Variants in DPP6 observed in about 807,000 individuals in gnomAD.
DPP6 encodes A-type potassium channel modulatory protein DPP6.
A neutral mutation model predicts 122.6 loss-of-function variants in DPP6; 69 were observed. The ratio of observed to expected loss-of-function variants is 0.56; its 90% CI spans 0.46 to 0.69. DPP6 has a LOEUF of 0.69. DPP6 is among the 30% of genes least tolerant of loss of function. DPP6 has a pLI of 0.00. For missense variants in DPP6, 928 were observed against 1,116.9 expected (o/e 0.83, Z 2.41); for synonymous variants, 418 against 433.1 (o/e 0.97, Z 0.43).
chr7:154,766,701 G>C lies in DPP6; in HGVS notation c.884-2716G>C, dbSNP rs574795369. Among the ~76,000 whole-genome samples the C allele has an allele frequency of 7.2e-5, 11 of 152,330 alleles. No individual in the cohort carries two copies. In the South Asian group the frequency reaches 2.3e-3, roughly 32 times the overall value. ...GCTTCATGGAAACACTCTGGCATTT[G>C]CTGATAAGATCGATGGAAATAGAGT... On this transcript the variant is annotated intron_variant, in intron 8 of 25. Transcript: ENST00000377770.
chr7:154,578,302 C>T (rs990844681), intron 5 of DPP6, among the ~76,000 whole-genome samples: 10 of 152,220 alleles, frequency 6.6e-5, no homozygotes, highest in East Asian at 3.8e-4. Flanking sequence ...AGCCTGGCGA[C>T]GCTCTCCATG....
In DPP6 at chr7:154,442,154, C is replaced by T. The variant is rs376496837; in HGVS notation, c.244-4060C>T. On this transcript the variant is annotated intron_variant, in intron 1 of 25. Transcript: ENST00000377770. ...TAAAGGCATTTATCCATCCATTCATCCACTCAACACAGTCTCTGTGCACTA... is the reference window on the plus strand; with the variant it reads ...TAAAGGCATTTATCCATCCATTCATTCACTCAACACAGTCTCTGTGCACTA... Among the ~76,000 whole-genome samples the T allele has an allele frequency of 2.0e-5, 3 of 152,306 alleles. No individual in the cohort carries two copies. The East Asian group carries it at 5.8e-4, about 29-fold the overall frequency.
Position 154,864,020 on chromosome 7 carries a change from G to A in DPP6, c.1715-3975G>A, listed in dbSNP as rs534467332. ...CTGATGGCCGCAGGGGAAGGTGCAC[G>A]TGAGGAGTGAGCAGAAATACAGCAG... is the stretch of plus-strand genomic sequence containing the variant. On this transcript the variant is annotated intron_variant, in intron 17 of 25. Transcript: ENST00000377770. 5.7e-4 allele frequency among the ~76,000 whole-genome samples: 87 copies of A among 152,250 alleles called. 1 individual carries two copies. Among genetic ancestry groups the A allele is most frequent in the African/African-American group, 1.9e-3 (77 of 41,542 alleles).
chr7:154,082,664 C>T (rs2150531493), intron 1 of DPP6, among the ~76,000 whole-genome samples: 1 of 151,932 alleles, frequency 6.6e-6, no homozygotes, highest in Middle Eastern at 3.4e-3. Context: ...CCTTCCTCCA[C>T]TGTCAGAGGC....
rs373976539 is a variant in DPP6, at chr7:153,996,760, C to T, written c.51+109026C>T. The stretch of plus-strand genomic sequence containing the variant: ...AGTGGTAATTTTTACAGTCTACAAA[C>T]AACAAAAGGTAATTCAATGTCAAGA... On this transcript the variant is annotated intron_variant, in intron 1 of 25. Transcript: ENST00000404039. Among the ~76,000 whole-genome samples the T allele has an allele frequency of 5.3e-4, 80 of 152,108 alleles. 1 individual carries two copies. In the South Asian group the frequency reaches 0.015, roughly 29 times the overall value.
intron 11 of DPP6, among the ~76,000 whole-genome samples, chr7:154,794,428 C>T (rs896459878): frequency 6.6e-6 from 1 of 152,224 alleles, no homozygotes; most frequent in Non-Finnish European, 1.5e-5. Flanking sequence ...CGTGAATTGC[C>T]AGAGGCGCCC....
At chr7:154,328,644 A>T (rs1247958749) in intron 1 of DPP6, among the ~76,000 whole-genome samples, 1 of 152,204 alleles carries the variant, frequency 6.6e-6, no homozygotes, top group East Asian at 1.9e-4. Flanking sequence ...AAGGAGACTT[A>T]GTGATCATTA....
chr7:154,381,812 G>A (rs183554605), intron 1 of DPP6, among the ~76,000 whole-genome samples: 73 of 152,286 alleles, frequency 4.8e-4, no homozygotes, highest in African/African-American at 1.6e-3. Flanking sequence ...ATGGTGCAGG[G>A]CAACTGTGGG....
At position 154,760,736 on chromosome 7, in the gene DPP6, C is replaced by G. The variant is rs569848573; in HGVS notation, c.884-8681C>G. On this transcript the variant is annotated intron_variant, in intron 8 of 25. Coordinates refer to ENST00000377770, the MANE Select transcript of DPP6 (RefSeq NM_130797.4). The surrounding 1 kb of genome is among the most constrained non-coding windows in gnomAD (Gnocchi z 4.5). Reference sequence around the variant, plus strand: ...CAGGCCCAGAAGTTCTGGAAGCTCCCTCAGGTGCCCACAACACAAATGAAG... The same window carrying G: ...CAGGCCCAGAAGTTCTGGAAGCTCCGTCAGGTGCCCACAACACAAATGAAG... 3.9e-5 allele frequency among the ~76,000 whole-genome samples: 6 copies of G among 152,098 alleles called. No individual in the cohort carries two copies. The highest frequency in any genetic ancestry group is 1.4e-4 in the African/African-American group (6 of 41,488).
At chr7:153,960,904 C>G (rs947174387) in intron 1 of DPP6, among the ~76,000 whole-genome samples, 6 of 151,970 alleles carry the variant, frequency 3.9e-5, no homozygotes, top group African/African-American at 1.2e-4. Flanking sequence ...AGTTGGCTGT[C>G]CAAAGGGAGG....
At chr7:153,782,609 T>C in the DPP6 span, among the ~76,000 whole-genome samples, 2 of 152,198 alleles carry the variant, frequency 1.3e-5, no homozygotes, top group Non-Finnish European at 2.9e-5. Flanking sequence ...TGATAGTTTT[T>C]CAGTGCTGGC....
intron 7 of DPP6, among the ~76,000 whole-genome samples, chr7:154,702,873 T>C (rs1306543056): frequency 1.3e-5 from 2 of 152,238 alleles, no homozygotes; most frequent in African/African-American, 4.8e-5. Flanking sequence ...GATGATGCCA[T>C]CTAGGACTTT....
At chr7:154,619,646 G>A (rs904740370) in intron 5 of DPP6, among the ~76,000 whole-genome samples, 5 of 152,220 alleles carry the variant, frequency 3.3e-5, no homozygotes, top group African/African-American at 7.2e-5. Flanking sequence ...GGAATTGACA[G>A]CAGAAAGCCC....
intron 5 of DPP6, among the ~76,000 whole-genome samples, chr7:154,594,984 G>C (rs1262869358): frequency 2.0e-5 from 3 of 149,792 alleles, no homozygotes; most frequent in Non-Finnish European, 4.5e-5. Flanking sequence ...TGGCCTTTGT[G>C]GGTTTTTTAA....
chr7:153,892,528 G>A (rs753348528), intron 1 of DPP6, among the ~76,000 whole-genome samples: 1 of 152,074 alleles, frequency 6.6e-6, no homozygotes, highest in Admixed American at 6.5e-5. Flanking sequence ...TGGTCAGGCT[G>A]GTCTCAAACT....
intron 1 of DPP6, among the ~76,000 whole-genome samples, chr7:153,983,765 C>T (rs1266050807): frequency 6.6e-6 from 1 of 152,086 alleles, no homozygotes; most frequent in Non-Finnish European, 1.5e-5. Context: ...TCCCTCACGG[C>T]ACAGTCCCTC....
chr7:154,046,518 A>G (rs1247390364), intron 1 of DPP6, among the ~76,000 whole-genome samples: 2 of 152,196 alleles, frequency 1.3e-5, no homozygotes, highest in Non-Finnish European at 2.9e-5. Flanking sequence ...CAGGAGCTGG[A>G]TATTTATAGG....
intron 1 of DPP6, among the ~76,000 whole-genome samples, chr7:154,374,714 C>T (rs974389373): frequency 7.9e-5 from 12 of 151,712 alleles, no homozygotes; most frequent in East Asian, 3.9e-4. Context: ...TGGGTTCAAG[C>T]GATTCTCCTG....
intron 17 of DPP6, among the ~76,000 whole-genome samples, chr7:154,866,982 G>C (rs1803925158): frequency 7.1e-6 from 1 of 140,374 alleles, no homozygotes; most frequent in Admixed American, 7.0e-5. Context: ...CTGCAGAGCA[G>C]CTTTTTTTTT....
Sources: allele counts gnomAD v4.1 joint callset (sites outside exome capture counted in the v4.1 genomes callset), GRCh38; gene constraint gnomAD v4.1.1; non-coding constraint Gnocchi (gnomAD v3.1); transcripts MANE v1.5; gene names NCBI Gene and HGNC (gene_info 2026-07-23, HGNC 2026-07-21).